Variants in ZFHX3 observed in about 807,000 individuals in gnomAD.
ZFHX3 encodes zinc finger homeobox 3.
A neutral mutation model predicts 279.1 loss-of-function variants in ZFHX3; 42 were observed. The observed-to-expected ratio is 0.15, with a 90% CI of 0.12 to 0.19. The LOEUF (loss-of-function observed/expected upper bound fraction) is 0.19, where lower values mean the gene tolerates loss of function less well. Among genes scored for constraint, ZFHX3 ranks in the 10% least tolerant of loss-of-function variants. The pLI is 1.00. For synonymous variants in ZFHX3, 2,293 were observed against 1,957.8 expected, an observed-to-expected ratio of 1.17 and a Z score of -4.52; for missense variants, 4,981 against 4,754.0, an observed-to-expected ratio of 1.05 and a Z score of -1.40.
chr16:73,122,979 C>T (rs1966518365), intron 7 of ZFHX3, among the ~76,000 whole-genome samples: 1 of 152,036 alleles, frequency 6.6e-6, no homozygotes, highest in South Asian at 2.1e-4. Flanking sequence ...ATTCCACTCC[C>T]TCATGCTACG....
intron 4 of ZFHX3, among the ~76,000 whole-genome samples, chr16:72,888,707 T>C (rs2038692614): frequency 6.6e-6 from 1 of 152,120 alleles, no homozygotes; most frequent in Admixed American, 6.5e-5. Context: ...TTTCAAACAT[T>C]GCAGAAAGAA....
chr16:73,022,445 T>C (rs1964333873), intron 1 of ZFHX3, among the ~76,000 whole-genome samples: 1 of 152,114 alleles, frequency 6.6e-6, no homozygotes, highest in African/African-American at 2.4e-5. Context: ...GCACCACTGA[T>C]ATTCAGGCTG....
At chr16:73,391,196 C>T (rs189607847) in intron 3 of ZFHX3, among the ~76,000 whole-genome samples, 1 of 152,244 alleles carries the variant, frequency 6.6e-6, no homozygotes, top group Non-Finnish European at 1.5e-5. Flanking sequence ...TAGGTTTTGG[C>T]CAGACGCGGT....
At chr16:73,137,800 T>C (rs914860432) in intron 6 of ZFHX3, among the ~76,000 whole-genome samples, 28 of 152,162 alleles carry the variant, frequency 1.8e-4, no homozygotes, top group Non-Finnish European at 2.9e-5. Flanking sequence ...CAAAGGAAAC[T>C]TATCTCAAAC....
At chr16:73,653,281 A>G (rs1332851314) in intron 2 of ZFHX3, among the ~76,000 whole-genome samples, 1 of 152,236 alleles carries the variant, frequency 6.6e-6, no homozygotes, top group Non-Finnish European at 1.5e-5. Context: ...CAACTACACA[A>G]CAGATTTCTT....
At chr16:73,215,436 G>T (rs1247866521) in intron 5 of ZFHX3, among the ~76,000 whole-genome samples, 1 of 152,190 alleles carries the variant, frequency 6.6e-6, no homozygotes, top group Non-Finnish European at 1.5e-5. Flanking sequence ...GGTCTGAAAG[G>T]CAGCTGCTGC....
chr16:73,426,390 C>A (rs1006343879), intron 3 of ZFHX3, among the ~76,000 whole-genome samples: 3 of 152,104 alleles, frequency 2.0e-5, no homozygotes, highest in Admixed American at 2.0e-4. Context: ...TAAAATGGAG[C>A]AAGAAAGGTG....
At chr16:72,903,200 A>C (rs980102138) in intron 3 of ZFHX3, among the ~76,000 whole-genome samples, 5 of 152,182 alleles carry the variant, frequency 3.3e-5, no homozygotes, top group African/African-American at 1.2e-4. Context: ...GCCCATGCTA[A>C]GGGCAGGTCC....
intron 4 of ZFHX3, among the ~76,000 whole-genome samples, chr16:72,832,828 A>G (rs1397764068): frequency 6.6e-6 from 1 of 152,266 alleles, no homozygotes; most frequent in Non-Finnish European, 1.5e-5. Context: ...GAAATAATAT[A>G]TGTCTTCAAG....
At chr16:73,481,840 T>C (rs927320844) in intron 2 of ZFHX3, among the ~76,000 whole-genome samples, 1 of 152,092 alleles carries the variant, frequency 6.6e-6, no homozygotes, top group African/African-American at 2.4e-5. Flanking sequence ...TTGTTTAAAA[T>C]ACGGCATACT....
At chr16:72,986,218 C>T (rs1237809459) in intron 1 of ZFHX3, among the ~76,000 whole-genome samples, 1 of 152,116 alleles carries the variant, frequency 6.6e-6, no homozygotes. Flanking sequence ...CTGCCCCCAA[C>T]TTCAGGAAGG....
At chr16:73,035,325 C>T (rs1013898065) in intron 1 of ZFHX3, among the ~76,000 whole-genome samples, 33 of 152,170 alleles carry the variant, frequency 2.2e-4, no homozygotes, top group African/African-American at 7.5e-4. Context: ...ACGTGGCTTA[C>T]ACTGTATTTC....
intron 3 of ZFHX3, among the ~76,000 whole-genome samples, chr16:72,908,495 G>C (rs1266138920): frequency 6.6e-6 from 1 of 152,188 alleles, no homozygotes; most frequent in African/African-American, 2.4e-5. Flanking sequence ...TTTCATCAGG[G>C]TCCTAGGACT....
chr16:72,876,585 C>A (rs1184524398), intron 4 of ZFHX3, among the ~76,000 whole-genome samples: 1 of 150,406 alleles, frequency 6.6e-6, no homozygotes, highest in Non-Finnish European at 1.5e-5. Context: ...TCTACCCAGG[C>A]ATGTTGAAAA....
intron 7 of ZFHX3, among the ~76,000 whole-genome samples, chr16:72,810,513 CA>C (rs1348828250): frequency 2.6e-5 from 4 of 152,234 alleles, no homozygotes; most frequent in Admixed American, 2.6e-4. Flanking sequence ...GCAGCACCAA[CA>C]TAGTCAAAAG....
chr16:73,023,281 A>G (rs893939342), intron 1 of ZFHX3, among the ~76,000 whole-genome samples: 1 of 152,214 alleles, frequency 6.6e-6, no homozygotes, highest in Admixed American at 6.5e-5. Flanking sequence ...AAACACATCT[A>G]CAGGCTAGGT....
Position 72,958,787 on chromosome 16 carries a change from A to T in ZFHX3, c.1359T>A (p.Ser453=). 6.2e-7 allele frequency: 1 copy of T among 1,613,474 alleles called. No individual in the cohort carries two copies. Among genetic ancestry groups the T allele is most frequent in the African/African-American group, 1.3e-5 (1 of 74,776 alleles). ...KQEVGDGDCF[S]EKVEPAEEEA... ...CCTCTTCGGCTGGCTCTACCTTCTC[A>T]GAGAAGCAATCCCCGTCGCCCACTT... The change falls in exon 2 of 10, where the codon TCT becomes TCA. Residue 453 remains serine, a synonymous_variant. Coordinates refer to ENST00000268489, the MANE Select transcript of ZFHX3 (RefSeq NM_006885.4).
chr16:73,321,792 C>A (rs563738927), intron 3 of ZFHX3, among the ~76,000 whole-genome samples: 2 of 152,216 alleles, frequency 1.3e-5, no homozygotes, highest in South Asian at 4.1e-4. Context: ...CCCTCTCCCC[C>A]AAAGGGTAGG....
At chr16:73,550,032 G>C (rs2020179864) in intron 2 of ZFHX3, among the ~76,000 whole-genome samples, 1 of 152,054 alleles carries the variant, frequency 6.6e-6, no homozygotes, top group Non-Finnish European at 1.5e-5. Flanking sequence ...AGACGGGCGA[G>C]GGGTGGGAGG....
Sources: gnomAD v4.1 joint callset for allele counts (sites outside exome capture counted in the v4.1 genomes callset) on GRCh38, gnomAD v4.1.1 for gene constraint, MANE v1.5 for transcripts, NCBI Gene and HGNC (gene_info 2026-07-23, HGNC 2026-07-21) for gene names.